The following ZNF391 variants were observed in gnomAD, a reference collection of about 807,000 sequenced individuals.
The protein encoded by ZNF391 is zinc finger protein 391.
For missense variants in ZNF391, 375 were observed against 425.5 expected, an observed-to-expected ratio of 0.88 and a Z score of 1.04; for synonymous variants, 126 against 142.1, an observed-to-expected ratio of 0.89 and a Z score of 0.80.
At chr6:27,389,916 G>T (rs1228153358) in intron 1 of ZNF391, among the ~76,000 whole-genome samples, 1 of 145,402 alleles carries the variant, frequency 6.9e-6, no homozygotes, top group Non-Finnish European at 1.5e-5. Context: ...TGTTGTGGGT[G>T]TATTGACAGT....
chr6:27,378,677 G>A (rs566245932), intron 1 of ZNF391, among the ~76,000 whole-genome samples: 1 of 152,288 alleles, frequency 6.6e-6, no homozygotes, highest in South Asian at 2.1e-4. Flanking sequence ...GGTCACAGGG[G>A]ATGCGATGGC....
rs1761427935 is a variant in ZNF391 at position 27,376,926 on chromosome 6, C to T, written n.523+1789C>T. ...GTAAAACTAGGTATTTGGGTGCCTC[C>T]TGCCTTGAGATTATTCCTAAGTGGC... On this transcript the variant is annotated intron_variant and non_coding_transcript_variant, in intron 1 of 2. Transcript: ENST00000477999. This position sits in a 1 kb window ranked among gnomAD's most constrained non-coding sequence, Gnocchi z 4.7. Among the ~76,000 whole-genome samples the T allele has an allele frequency of 6.6e-6, 1 of 152,082 alleles. No individual in the cohort carries two copies. Among genetic ancestry groups the T allele is most frequent in the Admixed American group, 6.5e-5 (1 of 15,270 alleles).
upstream of ZNF391, among the ~76,000 whole-genome samples, chr6:27,384,476 A>G (rs1561808544): frequency 1.4e-5 from 1 of 71,502 alleles, no homozygotes. Context: ...AAAAAAAAAA[A>G]AAAAAAAGAG....
In ZNF391 at chr6:27,381,484, C is replaced by T. The variant is rs1761506755; in HGVS notation, n.523+6347C>T. Among the ~76,000 whole-genome samples the T allele has an allele frequency of 6.6e-5, 10 of 152,366 alleles. No individual in the cohort carries two copies. In the South Asian group the frequency reaches 2.1e-3, roughly 32 times the overall value. ...CTGAGGGAGCCGGCTCCGGCCTTGGCCAGCCCAGAAAGGGGCTCCCACAGT... is the reference window on the plus strand; with the variant it reads ...CTGAGGGAGCCGGCTCCGGCCTTGGTCAGCCCAGAAAGGGGCTCCCACAGT... On this transcript the variant is annotated intron_variant and non_coding_transcript_variant, in intron 1 of 2. Transcript: ENST00000477999.
chr6:27,401,683 C>G lies in ZNF391; in HGVS notation c.*236C>G. 2 of 376,046 alleles carry G rather than the reference C, an allele frequency of 5.3e-6. No individual in the cohort carries two copies. 23.3% of individuals were successfully genotyped at this position (376,046 alleles called of 1,614,324 possible). ...CTCCCTCTCCCTGTTCTTTCTTTCTCTTTTCTCAAATAAGTTCACAATAAA... is the reference window on the plus strand; with the variant it reads ...CTCCCTCTCCCTGTTCTTTCTTTCTGTTTTCTCAAATAAGTTCACAATAAA... On this transcript the variant is annotated 3_prime_UTR_variant, in exon 3 of 3. Transcript: ENST00000244576.
At position 27,403,251 on chromosome 6, in the gene ZNF391, C is replaced by G. The variant is rs1762016670; in HGVS notation, c.*1804C>G. Reference sequence around the variant, plus strand: ...TACTTACTTACTTCCTTTCTCTTCTCAAAGATAATACATGCGGGCAGGCCT... The same window carrying G: ...TACTTACTTACTTCCTTTCTCTTCTGAAAGATAATACATGCGGGCAGGCCT... On this transcript the variant is annotated 3_prime_UTR_variant, in exon 3 of 3. Transcript: ENST00000244576. 1 of 152,188 alleles carries G rather than the reference C, an allele frequency of 6.6e-6. No individual in the cohort carries two copies. Among genetic ancestry groups the G allele is most frequent in the Admixed American group, 6.5e-5 (1 of 15,274 alleles). 9.4% of individuals were successfully genotyped at this position (152,188 alleles called of 1,614,324 possible). A position where few individuals can be genotyped will look rare whatever the true frequency, so the allele number is the denominator to read the frequency against.
rs1201807832 is a variant in ZNF391, at chr6:27,402,757, A to G, written c.*1310A>G. The G allele has an allele frequency of 6.6e-6, 1 of 152,034 alleles. No homozygotes were observed. Among genetic ancestry groups the G allele is most frequent in the African/African-American group, 2.4e-5 (1 of 41,398 alleles). The allele number at this position is 152,034 out of a possible 1,614,324, so 9.4% of individuals were successfully genotyped here. ...GCAAGTGTGTACCACCACACCCACA[A>G]TTTTAAAGTTTTTTTGTGGAGACAG... On this transcript the variant is annotated 3_prime_UTR_variant, in exon 3 of 3. Coordinates refer to ENST00000244576, the MANE Select transcript of ZNF391 (RefSeq NM_001076781.3).
chr6:27,380,880 G>A (rs1333553883), intron 1 of ZNF391, among the ~76,000 whole-genome samples: 1 of 152,198 alleles, frequency 6.6e-6, no homozygotes, highest in Non-Finnish European at 1.5e-5. Context: ...GACACAGGGT[G>A]CTGATTGGTA....
chr6:27,402,438 G>A lies in ZNF391; in HGVS notation c.*991G>A, dbSNP rs544156354. 1 of 144,146 alleles carries A rather than the reference G, an allele frequency of 6.9e-6. No homozygotes were observed. Among genetic ancestry groups the A allele is most frequent in the East Asian group, 2.1e-4 (1 of 4,786 alleles). 8.9% of individuals were successfully genotyped at this position (144,146 alleles called of 1,614,324 possible). A position where few individuals can be genotyped will look rare whatever the true frequency, so the allele number is the denominator to read the frequency against. On this transcript the variant is annotated 3_prime_UTR_variant, in exon 3 of 3. Coordinates refer to ENST00000244576, the MANE Select transcript of ZNF391 (RefSeq NM_001076781.3). ...AGCTTCTTTCAGGATCCATGATTCT[G>A]TGCTGATCTACACTTTTCCTACCTC...
chr6:27,400,668 CAA>C lies in ZNF391; in HGVS notation c.300_301del (p.Arg101ThrfsTer9). On this transcript the variant is annotated frameshift_variant, in exon 3 of 3. Transcript: ENST00000244576. LOFTEE classifies it low-confidence loss of function (END_TRUNC). ...AGATAATTCAGACTTAATTAAACACCAAAGACTTTTCTCACAAAGAAAACCTT... is the reference window on the plus strand; with the variant it reads ...AGATAATTCAGACTTAATTAAACACCAGACTTTTCTCACAAAGAAAACCTT... ...SKDNSDLIKH[Q>X]RLFSQRKPCK... 6.2e-7 allele frequency: 1 copy of C among 1,613,974 alleles called. No individual in the cohort carries two copies. The highest frequency in any genetic ancestry group is 8.5e-7 in the Non-Finnish European group (1 of 1,179,992).
upstream of ZNF391, among the ~76,000 whole-genome samples, chr6:27,385,762 A>T (rs956114133): frequency 2.0e-5 from 3 of 152,226 alleles, no homozygotes; most frequent in African/African-American, 7.2e-5. Flanking sequence ...GAAATCAACA[A>T]CATCATCAAT....
intron 1 of ZNF391, among the ~76,000 whole-genome samples, chr6:27,383,005 AGCTACTCAGGAG>A (rs1761532541): frequency 6.6e-6 from 1 of 152,102 alleles, no homozygotes; most frequent in South Asian, 2.1e-4. Context: ...CTGTAGTCCC[AGCTACTCAGGAG>A]GCTGAGGCAG....
chr6:27,381,277 G>T (rs1482945438), intron 1 of ZNF391, among the ~76,000 whole-genome samples: 1 of 152,246 alleles, frequency 6.6e-6, no homozygotes, highest in Non-Finnish European at 1.5e-5. Flanking sequence ...ACTGCTGGGG[G>T]ACCCAGTACA....
At chr6:27,382,657 T>C (rs576963758) in intron 1 of ZNF391, among the ~76,000 whole-genome samples, 1 of 152,080 alleles carries the variant, frequency 6.6e-6, no homozygotes, top group African/African-American at 2.4e-5. Context: ...CAAGAATAGA[T>C]AGGTAATGTT....
upstream of ZNF391, among the ~76,000 whole-genome samples, chr6:27,384,828 G>A (rs916010630): frequency 6.6e-6 from 1 of 152,040 alleles, no homozygotes; most frequent in Non-Finnish European, 1.5e-5. Context: ...GACCAGCCTG[G>A]CCAACATGGC....
upstream of ZNF391, among the ~76,000 whole-genome samples, chr6:27,388,467 C>G (rs143107267): frequency 4.2e-4 from 64 of 152,252 alleles, 1 homozygote; most frequent in African/African-American, 1.5e-3. Flanking sequence ...GAGTGTAAAT[C>G]TTGTGAAGCT....
chr6:27,393,198 T>C (rs895969513), intron 1 of ZNF391, among the ~76,000 whole-genome samples: 2 of 152,204 alleles, frequency 1.3e-5, no homozygotes, highest in African/African-American at 4.8e-5. Flanking sequence ...ATGGCTTGAA[T>C]ATGTGTCTCC....
upstream of ZNF391, among the ~76,000 whole-genome samples, chr6:27,385,016 CAA>C (rs1167663196): frequency 2.3e-4 from 24 of 104,136 alleles, no homozygotes; most frequent in Admixed American, 2.0e-4. Context: ...GACTCCATCT[CAA>C]AAAAAAAAAA....
chr6:27,392,280 G>A (rs1398259947), intron 1 of ZNF391, among the ~76,000 whole-genome samples: 1 of 152,050 alleles, frequency 6.6e-6, no homozygotes, highest in African/African-American at 2.4e-5. Context: ...TGAGATGATG[G>A]AGTCTTGCTC....
Sources: allele counts gnomAD v4.1 joint callset (sites outside exome capture counted in the v4.1 genomes callset), GRCh38; gene constraint gnomAD v4.1.1; non-coding constraint Gnocchi (gnomAD v3.1); transcripts MANE v1.5; gene names NCBI Gene and HGNC (gene_info 2026-07-23, HGNC 2026-07-21).